Variants in ENTPD7 observed in about 807,000 individuals in gnomAD.
ENTPD7 encodes NTPDase 7.
In ENTPD7, 53 loss-of-function variants were observed where a neutral mutation model predicts 77.9. The ratio of observed to expected loss-of-function variants is 0.68; its 90% CI spans 0.55 to 0.85. The LOEUF is 0.85. ENTPD7 is among the 40% of genes least tolerant of loss of function. ENTPD7 has a pLI of 0.00. For synonymous variants in ENTPD7, 248 were observed against 274.9 expected (o/e 0.90, Z 0.97); for missense variants, 636 against 743.7 (o/e 0.86, Z 1.68).
intron 8 of ENTPD7, among the ~76,000 whole-genome samples, chr10:99,693,510 T>G (rs921525588): frequency 2.0e-5 from 3 of 152,326 alleles, no homozygotes; most frequent in African/African-American, 7.2e-5. Context: ...CAAGCGGGAC[T>G]GGGGCTTCAA....
intron 8 of ENTPD7, among the ~76,000 whole-genome samples, chr10:99,695,326 C>A (rs2035953025): frequency 6.6e-6 from 1 of 152,074 alleles, no homozygotes; most frequent in African/African-American, 2.4e-5. Flanking sequence ...AGATCGAGAA[C>A]ATCCTGGCCA....
chr10:99,660,366 A>G, intron 2 of ENTPD7: 2 of 1,161,834 alleles, frequency 1.7e-6, no homozygotes, highest in Non-Finnish European at 2.2e-6. Flanking sequence ...TCACAGATGA[A>G]TACACTTATC....
Position 99,704,572 on chromosome 10 carries a change from C to T in ENTPD7, c.1704C>T (p.Tyr568=), listed in dbSNP as rs1170571337. 4 of 1,614,092 alleles carry T rather than the reference C, an allele frequency of 2.5e-6. No homozygotes were observed. Among genetic ancestry groups the T allele is most frequent in the Admixed American group, 1.7e-5 (1 of 60,008 alleles). Residue 568 remains tyrosine (Y), a synonymous_variant, in exon 13 of 13, where the codon TAC becomes TAT. Coordinates refer to ENST00000370489, the MANE Select transcript of ENTPD7 (RefSeq NM_020354.5). ...TGGTGCTACTGGCCATCTTCCTATA[C>T]CTTCTGCGGCTACGCCGAATTCACC... ...ILVVLLAIFL[Y]LLRLRRIHHR...
At chr10:99,690,883 T>A (rs1218667301) in intron 7 of ENTPD7, among the ~76,000 whole-genome samples, 1 of 152,234 alleles carries the variant, frequency 6.6e-6, no homozygotes, top group Non-Finnish European at 1.5e-5. Context: ...TCTTTTGTCC[T>A]TAGGCTATAT....
chr10:99,701,032 A>G lies in ENTPD7; in HGVS notation c.1395A>G (p.Ser465=). 6.2e-7 allele frequency: 1 copy of G among 1,614,108 alleles called. No homozygotes were observed. Among genetic ancestry groups the G allele is most frequent in the Non-Finnish European group, 8.5e-7 (1 of 1,179,968 alleles). Residue 465 remains serine (S), a synonymous_variant, in exon 11 of 13, where the codon TCA becomes TCG. Transcript: ENST00000370489. ...AGAGATTCAAGAATGGCCTCTTTTC[A>G]TCACATGCAGATGAGCATCGACTCA... The part of the protein sequence containing the change: ...LTQRFKNGLF[S]SHADEHRLKY...
At chr10:99,696,620 C>A (rs2035984565) in intron 9 of ENTPD7, among the ~76,000 whole-genome samples, 1 of 152,108 alleles carries the variant, frequency 6.6e-6, no homozygotes, top group African/African-American at 2.4e-5. Flanking sequence ...TCAGTTTTTC[C>A]TTTAGCATTG....
chr10:99,700,373 A>G (rs144048832), intron 10 of ENTPD7, among the ~76,000 whole-genome samples: 2 of 149,658 alleles, frequency 1.3e-5, no homozygotes, highest in African/African-American at 2.5e-5. Context: ...TTCCCTGAGC[A>G]TTTATGTTAT....
Position 99,709,118 on chromosome 10 carries a change from C to G in ENTPD7, c.*4435C>G. ...AAACAATTTTATACAATTTCCTTTACTACAACATCCAAGCAATTCATTAGA... is the reference window on the plus strand; with the variant it reads ...AAACAATTTTATACAATTTCCTTTAGTACAACATCCAAGCAATTCATTAGA... On this transcript the variant is annotated 3_prime_UTR_variant, in exon 13 of 13. Coordinates refer to ENST00000370489, the MANE Select transcript of ENTPD7 (RefSeq NM_020354.5). The G allele has an allele frequency of 2.0e-6, 2 of 982,924 alleles. No homozygotes were observed. Among genetic ancestry groups the G allele is most frequent in the Non-Finnish European group, 2.4e-6 (2 of 827,732 alleles). The allele number at this position is 982,924 out of a possible 1,614,324, so 60.9% of individuals were successfully genotyped here. A position where few individuals can be genotyped will look rare whatever the true frequency, so the allele number is the denominator to read the frequency against.
chr10:99,685,721 G>A (rs1476795854), intron 5 of ENTPD7, 71 bp from the exon 6 acceptor site: 6 of 1,098,134 alleles, frequency 5.5e-6, no homozygotes, highest in Non-Finnish European at 8.3e-6. Context: ...CTAAGTAGAA[G>A]GACAAGTTGA....
rs919707381 is a variant in ENTPD7, at chr10:99,707,170, G to A, written c.*2487G>A. On this transcript the variant is annotated 3_prime_UTR_variant, in exon 13 of 13. Transcript: ENST00000370489. ...TTTCTTATTCTTATTTTGTCTTGGA[G>A]TGTTTAATGTGTTATTTCCTGTTCA... 7.9e-5 allele frequency among the ~76,000 whole-genome samples: 12 copies of A among 152,098 alleles called. No individual in the cohort carries two copies. The highest frequency in any genetic ancestry group is 1.8e-4 in the Non-Finnish European group (12 of 68,026).
At chr10:99,683,456 G>A (rs979644062) in intron 5 of ENTPD7, among the ~76,000 whole-genome samples, 3 of 152,194 alleles carry the variant, frequency 2.0e-5, no homozygotes, top group Middle Eastern at 3.4e-3. Context: ...ATAATACAAG[G>A]TGGTGTTTAA....
chr10:99,679,323 G>C lies in ENTPD7; in HGVS notation c.254G>C (p.Gly85Ala), dbSNP rs780260445. Residue 85 changes from glycine to alanine, a missense_variant, in exon 4 of 13, where the codon GGA becomes GCA. Transcript: ENST00000370489. ...ACTGAAGACCCAAATCTGAATTATG[G>C]ACTTGTTGTTGACTGTGGCAGCAGT... ...TDTEDPNLNY[G>A]LVVDCGSSGS... is the part of the protein sequence containing the mutation. 5 of 1,614,152 alleles carry C rather than the reference G, an allele frequency of 3.1e-6. No individual in the cohort carries two copies. Among genetic ancestry groups the C allele is most frequent in the Non-Finnish European group, 4.2e-6 (5 of 1,180,024 alleles).
chr10:99,679,755 A>T lies in ENTPD7; in HGVS notation c.428A>T (p.His143Leu). The T allele has an allele frequency of 6.2e-7, 1 of 1,613,960 alleles. No homozygotes were observed. Among genetic ancestry groups the T allele is most frequent in the Non-Finnish European group, 8.5e-7 (1 of 1,179,982 alleles). ...TCTGCAATGGCAGACACTCCAGAAC[A>T]TGCCAGTGATTACCTTCGTCCTCTG... ...GISAMADTPE[H>L]ASDYLRPLLS... Residue 143 changes from histidine (H) to leucine (L), a missense_variant, in exon 5 of 13, where the codon CAT becomes CTT. Physicochemically the swap from His to Leu is moderately conservative, Grantham distance 99. Transcript: ENST00000370489.
chr10:99,703,201 T>G (rs187103846), intron 12 of ENTPD7, among the ~76,000 whole-genome samples: 24 of 151,802 alleles, frequency 1.6e-4, no homozygotes, highest in Admixed American at 9.9e-4. Context: ...GGTAGCCTGA[T>G]ACCTTACTTT....
chr10:99,664,915 C>G (rs1020806318), intron 3 of ENTPD7, among the ~76,000 whole-genome samples: 1 of 152,074 alleles, frequency 6.6e-6, no homozygotes, highest in African/African-American at 2.4e-5. Context: ...GGCTCTGTCT[C>G]TCCTGTCTGT....
chr10:99,689,759 C>G, intron 7 of ENTPD7, among the ~76,000 whole-genome samples: 1 of 152,100 alleles, frequency 6.6e-6, no homozygotes, highest in East Asian at 1.9e-4. Flanking sequence ...GTGGTAATAG[C>G]CAATTGTGAT....
At chr10:99,660,483 G>T in intron 2 of ENTPD7, 1 of 608,708 alleles carries the variant, frequency 1.6e-6, no homozygotes, top group Non-Finnish European at 2.7e-6. Flanking sequence ...AGAACAGCAG[G>T]TATGGTGGAC....
chr10:99,692,939 A>G (rs1256329896), intron 8 of ENTPD7, among the ~76,000 whole-genome samples: 3 of 152,118 alleles, frequency 2.0e-5, no homozygotes, highest in African/African-American at 7.2e-5. Flanking sequence ...TCAGTAGGAG[A>G]AAGAATATAG....
At chr10:99,661,960 G>T (rs2035492534) in intron 3 of ENTPD7, among the ~76,000 whole-genome samples, 2 of 152,062 alleles carry the variant, frequency 1.3e-5, no homozygotes, top group Non-Finnish European at 2.9e-5. Flanking sequence ...TATATACTTT[G>T]CTCTGAAATC....
Sources: allele counts gnomAD v4.1 joint callset (sites outside exome capture counted in the v4.1 genomes callset), GRCh38; gene constraint gnomAD v4.1.1; transcripts MANE v1.5; gene names NCBI Gene and HGNC (gene_info 2026-07-23, HGNC 2026-07-21).